Variants in FBN2 observed in about 807,000 individuals in gnomAD.
FBN2 encodes fibrillin-2.
A neutral mutation model predicts 355.6 loss-of-function variants in FBN2; 105 were observed. The ratio of observed to expected loss-of-function variants is 0.30; its 90% CI spans 0.25 to 0.35. The LOEUF (loss-of-function observed/expected upper bound fraction) is 0.35. FBN2 is among the 10% of genes least tolerant of loss of function. The pLI, the probability that FBN2 is intolerant of heterozygous loss-of-function variation, is 1.00. For synonymous variants in FBN2, 1,350 were observed against 1,301.2 expected, an observed-to-expected ratio of 1.04 and a Z score of -0.81; for missense variants, 3,280 against 3,758.7, an observed-to-expected ratio of 0.87 and a Z score of 3.33.
In FBN2 at chr5:128,261,767, T is replaced by G. The variant is rs1414963858; in HGVS notation, c.8333A>C (p.Lys2778Thr). The G allele has an allele frequency of 6.8e-6, 11 of 1,614,122 alleles. No individual in the cohort carries two copies. The Admixed American group carries it at 1.5e-4, about 22-fold the overall frequency. The stretch of plus-strand genomic sequence containing the variant: ...GGGATCAGGTTCATGAATACTTCTC[T>G]TCTGCCTGCTGTCTTTCTTAGAATA... ...NGYSKKDSRQKRSIHEPDPTA... is the reference protein window; with the variant it reads ...NGYSKKDSRQTRSIHEPDPTA... Residue 2778 changes from lysine (K) to threonine (T), a missense_variant, in exon 64 of 65, where the codon AAG (lysine) becomes ACG (threonine). By Grantham distance (78) the Lys-to-Thr change is moderately conservative. Coordinates refer to ENST00000262464, the MANE Select transcript of FBN2 (RefSeq NM_001999.4).
At chr5:128,280,461 T>C (rs1430249802) in intron 55 of FBN2, 144 bp from the exon 56 acceptor site, 5 of 660,080 alleles carry the variant, frequency 7.6e-6, no homozygotes, top group Non-Finnish European at 1.3e-5. Flanking sequence ...GTGTGAATAT[T>C]AATTTATTTT....
At chr5:128,468,496 C>T (rs1754772764) in intron 5 of FBN2, among the ~76,000 whole-genome samples, 2 of 152,160 alleles carry the variant, frequency 1.3e-5, no homozygotes, top group Non-Finnish European at 2.9e-5. Context: ...TTCTAAGAAA[C>T]TGTTATTTGA....
intron 14 of FBN2, among the ~76,000 whole-genome samples, chr5:128,375,015 A>C (rs751775472): frequency 6.6e-6 from 1 of 152,222 alleles, no homozygotes; most frequent in African/African-American, 2.4e-5. Flanking sequence ...TTAACGCTAA[A>C]TAATTCAAAT....
intron 11 of FBN2, among the ~76,000 whole-genome samples, chr5:128,387,042 C>T (rs331074): frequency 0.41 from 61,895 of 151,838 alleles, 13,092 homozygotes; most frequent in African/African-American, 0.5. Flanking sequence ...ATACATCTGG[C>T]GGAATTTGTC....
chr5:128,430,241 T>C (rs1753584787), intron 7 of FBN2, among the ~76,000 whole-genome samples: 1 of 152,094 alleles, frequency 6.6e-6, no homozygotes, highest in Non-Finnish European at 1.5e-5. Context: ...TTTTCATTTT[T>C]CATTTTTTTT....
chr5:128,374,216 A>G (rs1365671197), intron 15 of FBN2, among the ~76,000 whole-genome samples: 1 of 152,176 alleles, frequency 6.6e-6, no homozygotes, highest in African/African-American at 2.4e-5. Flanking sequence ...TTAATATACA[A>G]TTTACATACC....
Position 128,474,447 on chromosome 5 carries a change from G to A in FBN2, c.629-9526C>T, listed in dbSNP as rs995407764. On this transcript the variant is annotated intron_variant, in intron 5 of 64. Transcript: ENST00000262464. ...AATATATTTCAGGGAAAAGTGACAC[G>A]TACTCAGAAAACATTTATCCATTAT... Among the ~76,000 whole-genome samples the A allele has an allele frequency of 4.6e-5, 7 of 152,234 alleles. No homozygotes were observed. The South Asian group carries it at 6.2e-4, about 14-fold the overall frequency.
chr5:128,521,545 G>C (rs182849305), intron 4 of FBN2, among the ~76,000 whole-genome samples: 85 of 152,212 alleles, frequency 5.6e-4, no homozygotes, highest in Middle Eastern at 3.4e-3. Context: ...TTTTAAAAAA[G>C]AAAGATTTAA....
At chr5:128,460,062 A>C (rs894231116) in intron 6 of FBN2, among the ~76,000 whole-genome samples, 8 of 152,164 alleles carry the variant, frequency 5.3e-5, no homozygotes, top group African/African-American at 1.9e-4. Context: ...TATTTAGAAA[A>C]CCGCATCATC....
intron 5 of FBN2, among the ~76,000 whole-genome samples, chr5:128,489,349 T>C (rs1018410363): frequency 6.6e-6 from 1 of 152,212 alleles, no homozygotes; most frequent in Non-Finnish European, 1.5e-5. Flanking sequence ...GCCCACAAAA[T>C]ACTTTTGATC....
intron 4 of FBN2, among the ~76,000 whole-genome samples, chr5:128,525,580 C>T (rs1403867365): frequency 6.6e-6 from 1 of 152,164 alleles, no homozygotes; most frequent in East Asian, 1.9e-4. Flanking sequence ...GAATTTAACA[C>T]ATTGGCCCCT....
Position 128,537,785 on chromosome 5 carries a change from C to A in FBN2, c.-182G>T. On this transcript the variant is annotated 5_prime_UTR_variant, in exon 1 of 65. Transcript: ENST00000262464. The stretch of plus-strand genomic sequence containing the variant: ...ACAGAGCGCCGGCCCCCTGACTGCC[C>A]GCGAAGCGAGACGCGGGGCGCCGGG... 1 of 646,292 alleles carries A rather than the reference C, an allele frequency of 1.5e-6. No homozygotes were observed. Among genetic ancestry groups the A allele is most frequent in the Non-Finnish European group, 2.7e-6 (1 of 377,118 alleles). 40.0% of individuals were successfully genotyped at this position (646,292 alleles called of 1,614,324 possible).
At chr5:128,507,504 T>G (rs1224101791) in intron 5 of FBN2, among the ~76,000 whole-genome samples, 1 of 152,050 alleles carries the variant, frequency 6.6e-6, no homozygotes, top group Non-Finnish European at 1.5e-5. Context: ...TTCATATTAT[T>G]TTTTGTTGTA....
chr5:128,510,338 G>T (rs1756080567), intron 5 of FBN2, among the ~76,000 whole-genome samples: 1 of 152,242 alleles, frequency 6.6e-6, no homozygotes. Context: ...CTCCTGGGCT[G>T]CATGAAGCCT....
At chr5:128,452,322 C>T (rs1754271929) in intron 6 of FBN2, among the ~76,000 whole-genome samples, 2 of 152,138 alleles carry the variant, frequency 1.3e-5, no homozygotes, top group Non-Finnish European at 2.9e-5. Flanking sequence ...TTCCAAATCA[C>T]ATGTAACAAT....
chr5:128,330,563 T>C lies in FBN2; in HGVS notation c.4345+10A>G, dbSNP rs1439384968. On this transcript the variant is annotated intron_variant, in intron 33 of 64. Coordinates refer to ENST00000262464, the MANE Select transcript of FBN2 (RefSeq NM_001999.4). ...ATCCCGTCAGAGCACACCTCAGGACTGTCACCCACCTGAGCAGGTAAAGCC... is the reference window on the plus strand; with the variant it reads ...ATCCCGTCAGAGCACACCTCAGGACCGTCACCCACCTGAGCAGGTAAAGCC... 1 of 1,613,866 alleles carries C rather than the reference T, an allele frequency of 6.2e-7. No individual in the cohort carries two copies. Among genetic ancestry groups the C allele is most frequent in the African/African-American group, 1.3e-5 (1 of 74,922 alleles).
rs371741283 is a variant in FBN2, at chr5:128,261,913, T to C, written c.8193-6A>G. The C allele has an allele frequency of 1.3e-5, 21 of 1,613,226 alleles. No homozygotes were observed. In the African/African-American group the frequency reaches 2.7e-4, roughly 21 times the overall value. The stretch of plus-strand genomic sequence containing the variant: ...CCATTCCTGAGACACAGTGGCTATT[T>C]GCAAAAAGCAAAGTATTGTTAGACT... On this transcript the variant is annotated splice_polypyrimidine_tract_variant and splice_region_variant and intron_variant, in intron 63 of 64. Transcript: ENST00000262464.
chr5:128,395,994 T>C (rs1157800086), intron 8 of FBN2, among the ~76,000 whole-genome samples: 1 of 152,202 alleles, frequency 6.6e-6, no homozygotes, highest in Non-Finnish European at 1.5e-5. Context: ...CGATGAGAAC[T>C]GACTGTAGCC....
chr5:128,335,663 G>T, intron 28 of FBN2, 86 bp from the exon 29 acceptor site: 1 of 1,519,894 alleles, frequency 6.6e-7, no homozygotes. Context: ...TGCTAATGTG[G>T]CTTTGAATTT....
Sources: allele counts gnomAD v4.1 joint callset (sites outside exome capture counted in the v4.1 genomes callset), GRCh38; gene constraint gnomAD v4.1.1; transcripts MANE v1.5; gene names NCBI Gene and HGNC (gene_info 2026-07-23, HGNC 2026-07-21).